The following ANK2 variants were observed in gnomAD, a reference collection of about 807,000 sequenced individuals.
ANK2 encodes the protein ankyrin-2.
A neutral mutation model predicts 360.5 loss-of-function variants in ANK2; 83 were observed. The ratio of observed to expected loss-of-function variants is 0.23; its 90% CI spans 0.19 to 0.28. The LOEUF (loss-of-function observed/expected upper bound fraction) is 0.28, where lower values mean the gene tolerates loss of function less well. ANK2 is among the 10% of genes least tolerant of loss of function. ANK2 has a pLI of 1.00. For missense variants in ANK2, 4,201 were observed against 4,795.7 expected (o/e 0.88, Z 3.66); for synonymous variants, 1,740 against 1,759.5 (o/e 0.99, Z 0.28).
chr4:113,140,508 G>A (rs1162595498), intron 1 of ANK2, among the ~76,000 whole-genome samples: 1 of 152,186 alleles, frequency 6.6e-6, no homozygotes, highest in Non-Finnish European at 1.5e-5. Flanking sequence ...TAGTTTAAGA[G>A]AAACTCTACA....
At chr4:113,277,766 A>T in intron 15 of ANK2, 71 bp from the exon 16 acceptor site, 1 of 1,291,424 alleles carries the variant, frequency 7.7e-7, no homozygotes, top group Non-Finnish European at 1.1e-6. Context: ...TCAATATGTT[A>T]ACAAATAAAA....
At chr4:113,285,920 T>C (rs2153724744) in intron 18 of ANK2, among the ~76,000 whole-genome samples, 1 of 152,336 alleles carries the variant, frequency 6.6e-6, no homozygotes, top group Middle Eastern at 3.4e-3. Flanking sequence ...ATGGGAGTTA[T>C]GAGACAGCAA....
chr4:112,895,841 G>T (rs12512857), intron 1 of ANK2, among the ~76,000 whole-genome samples: 13,441 of 152,240 alleles, frequency 0.088, 1,177 homozygotes, highest in East Asian at 0.31. Flanking sequence ...CAAAAATAGT[G>T]TTCTTGGTTG....
intron 1 of ANK2, among the ~76,000 whole-genome samples, chr4:113,161,331 T>C (rs1381678302): frequency 1.3e-5 from 2 of 152,230 alleles, no homozygotes; most frequent in Non-Finnish European, 2.9e-5. Context: ...TAAGTTTTTT[T>C]TAAAAGGCAG....
At chr4:112,716,555 C>G in the ANK2 span, among the ~76,000 whole-genome samples, 1 of 152,162 alleles carries the variant, frequency 6.6e-6, no homozygotes, top group East Asian at 1.9e-4. Flanking sequence ...GTCCCTTATT[C>G]TAATAGTCTT....
chr4:113,123,839 G>A (rs539894768), intron 1 of ANK2, among the ~76,000 whole-genome samples: 7 of 152,100 alleles, frequency 4.6e-5, no homozygotes, highest in Admixed American at 6.6e-5. Flanking sequence ...AATTTCAAGC[G>A]ATCGTAGATT....
At chr4:112,930,389 T>C (rs1468163486) in intron 2 of ANK2, among the ~76,000 whole-genome samples, 3 of 150,134 alleles carry the variant, frequency 2.0e-5, no homozygotes, top group Non-Finnish European at 4.4e-5. Flanking sequence ...GTCAAGGCTA[T>C]GGTGAGCTGA....
chr4:113,154,720 G>A (rs1212164216), intron 1 of ANK2, among the ~76,000 whole-genome samples: 2 of 152,080 alleles, frequency 1.3e-5, no homozygotes, highest in Non-Finnish European at 2.9e-5. Context: ...TTCTTGTTTT[G>A]TAACATATAC....
At chr4:113,205,231 G>T (rs1424848167) in intron 4 of ANK2, among the ~76,000 whole-genome samples, 1 of 51,882 alleles carries the variant, frequency 1.9e-5, no homozygotes, top group South Asian at 7.2e-4. Flanking sequence ...GCAAGACTCC[G>T]TCTCAAAAAA....
intron 4 of ANK2, among the ~76,000 whole-genome samples, chr4:113,228,819 AT>A (rs886200748): frequency 1.3e-4 from 19 of 151,798 alleles, no homozygotes; most frequent in African/African-American, 2.4e-4. Flanking sequence ...CTTGCAATAT[AT>A]TTTTTTTTAA....
Position 113,365,130 on chromosome 4 carries a change from C to T in ANK2, c.10980C>T (p.Ile3660=), listed in dbSNP as rs2154053355. The T allele has an allele frequency of 6.2e-7, 1 of 1,613,840 alleles. No individual in the cohort carries two copies. The part of the protein sequence containing the change: ...ETNTEPLQER[I]SHSYAEIEQT... ...ACACAGAACCTCTCCAGGAGCGCAT[C>T]AGTCATAGTTATGCAGAAATTGAAC... Residue 3660 remains isoleucine (I), a synonymous_variant, in exon 41 of 46, where the codon ATC becomes ATT. Coordinates refer to ENST00000357077, the MANE Select transcript of ANK2 (RefSeq NM_001148.6).
At chr4:113,311,477 A>G (rs1045502487) in intron 24 of ANK2, 78 bp downstream of exon 24, 5 of 1,548,076 alleles carry the variant, frequency 3.2e-6, no homozygotes, top group Non-Finnish European at 3.5e-6. Context: ...AAAAATGTAG[A>G]TGCAATTATT....
At chr4:113,316,917 A>G (rs1158782097) in intron 24 of ANK2, among the ~76,000 whole-genome samples, 2 of 152,200 alleles carry the variant, frequency 1.3e-5, no homozygotes, top group Non-Finnish European at 2.9e-5. Context: ...GCCATTGGCA[A>G]TTTGTCTTTG....
At chr4:112,753,287 C>T in the ANK2 span, among the ~76,000 whole-genome samples, 2 of 152,162 alleles carry the variant, frequency 1.3e-5, no homozygotes, top group Admixed American at 1.3e-4. Flanking sequence ...GTTGAGCGGA[C>T]TAGATAGCTG....
chr4:113,279,438 G>T (rs781207957), intron 17 of ANK2, among the ~76,000 whole-genome samples: 2 of 151,860 alleles, frequency 1.3e-5, no homozygotes, highest in Non-Finnish European at 2.9e-5. Flanking sequence ...GATTTAAGTA[G>T]GTTAATTTTC....
At chr4:112,911,020 C>T (rs1157890493) in intron 2 of ANK2, among the ~76,000 whole-genome samples, 1 of 145,596 alleles carries the variant, frequency 6.9e-6, no homozygotes, top group African/African-American at 2.6e-5. Context: ...TGCAGTGGCA[C>T]GATCTCAGCT....
intron 1 of ANK2, among the ~76,000 whole-genome samples, chr4:113,141,776 T>C (rs1562363074): frequency 1.3e-5 from 2 of 152,212 alleles, no homozygotes; most frequent in Admixed American, 1.3e-4. Context: ...CAGTGAATGA[T>C]TTTTAGATTT....
At chr4:113,031,730 C>T (rs2060454896) in intron 2 of ANK2, among the ~76,000 whole-genome samples, 1 of 152,052 alleles carries the variant, frequency 6.6e-6, no homozygotes, top group East Asian at 1.9e-4. Context: ...AGAAGCTTCT[C>T]ATTAAACAAG....
At chr4:113,360,612 G>T (rs2096145814) in intron 38 of ANK2, among the ~76,000 whole-genome samples, 1 of 152,116 alleles carries the variant, frequency 6.6e-6, no homozygotes, top group African/African-American at 2.4e-5. Flanking sequence ...TGATTAAAGA[G>T]ATATGGAAGC....
Sources: gnomAD v4.1 joint callset for allele counts (sites outside exome capture counted in the v4.1 genomes callset) on GRCh38, gnomAD v4.1.1 for gene constraint, MANE v1.5 for transcripts, NCBI Gene and HGNC (gene_info 2026-07-23, HGNC 2026-07-21) for gene names.